The following CHSY3 variants were observed in gnomAD, a reference collection of about 807,000 sequenced individuals.
CHSY3 encodes the protein N-acetylgalactosaminyl-proteoglycan 3-beta-glucuronosyltransferase 3.
A neutral mutation model predicts 67.2 loss-of-function variants in CHSY3; 35 were observed. That is an observed-to-expected ratio of 0.52 (90% CI 0.40 to 0.69). The LOEUF (loss-of-function observed/expected upper bound fraction) is 0.69. Among genes scored for constraint, CHSY3 ranks in the 30% least tolerant of loss-of-function variants. The pLI is 0.00. For synonymous variants in CHSY3, 474 were observed against 434.7 expected, an observed-to-expected ratio of 1.09 and a Z score of -1.12; for missense variants, 1,069 against 1,138.5, an observed-to-expected ratio of 0.94 and a Z score of 0.88.
intron 2 of CHSY3, among the ~76,000 whole-genome samples, chr5:130,070,360 G>C (rs972669266): frequency 6.6e-6 from 1 of 152,078 alleles, no homozygotes; most frequent in African/African-American, 2.4e-5. Context: ...TTGATTGCTA[G>C]TGAATGCTGG....
Position 129,982,285 on chromosome 5 carries a change from A to C in CHSY3, c.1086+73925A>C, listed in dbSNP as rs73785835. On this transcript the variant is annotated intron_variant, in intron 2 of 2. Coordinates refer to ENST00000305031, the MANE Select transcript of CHSY3 (RefSeq NM_175856.5). ...CTATATTATTCCAATGTAAAAAAAAACACACACACACACAAAAAAAACAAC... is the reference window on the plus strand; with the variant it reads ...CTATATTATTCCAATGTAAAAAAAACCACACACACACACAAAAAAAACAAC... 1.0e-3 allele frequency among the ~76,000 whole-genome samples: 157 copies of C among 151,656 alleles called. 1 individual carries two copies. Among genetic ancestry groups the C allele is most frequent in the African/African-American group, 3.6e-3 (148 of 41,334 alleles).
At chr5:130,119,584 C>T (rs1767938586) in intron 2 of CHSY3, among the ~76,000 whole-genome samples, 2 of 152,048 alleles carry the variant, frequency 1.3e-5, no homozygotes, top group South Asian at 4.1e-4. Context: ...CATATTCAAC[C>T]TGAGACTCTC....
intron 1 of CHSY3, among the ~76,000 whole-genome samples, chr5:129,906,183 C>G (rs1160156364): frequency 1.3e-5 from 2 of 152,130 alleles, no homozygotes; most frequent in African/African-American, 2.4e-5. Flanking sequence ...GGACCCTTTC[C>G]TATGTGTTCC....
At chr5:129,923,761 A>G (rs757385738) in intron 2 of CHSY3, among the ~76,000 whole-genome samples, 17 of 152,188 alleles carry the variant, frequency 1.1e-4, no homozygotes, top group Non-Finnish European at 1.8e-4. Flanking sequence ...ACAGTAGTAA[A>G]ACGGGATGAG....
intron 2 of CHSY3, among the ~76,000 whole-genome samples, chr5:129,936,687 G>C (rs1761503241): frequency 6.6e-6 from 1 of 152,198 alleles, no homozygotes; most frequent in South Asian, 2.1e-4. Context: ...GTTTCTTTGA[G>C]AGACATAAGA....
Position 129,944,007 on chromosome 5 carries a change from G to T in CHSY3, c.1086+35647G>T, listed in dbSNP as rs1337093786. Among the ~76,000 whole-genome samples, 4 of 152,326 alleles carry T rather than the reference G, an allele frequency of 2.6e-5. 1 individual carries two copies. Among genetic ancestry groups the T allele is most frequent in the African/African-American group, 9.6e-5 (4 of 41,570 alleles). ...ATGCTGCTTCTCTTCTGTAATGGCAGCTCTTTTATGGTTTGTATCAAATTT... is the reference window on the plus strand; with the variant it reads ...ATGCTGCTTCTCTTCTGTAATGGCATCTCTTTTATGGTTTGTATCAAATTT... On this transcript the variant is annotated intron_variant, in intron 2 of 2. Coordinates refer to ENST00000305031, the MANE Select transcript of CHSY3 (RefSeq NM_175856.5).
Position 129,908,146 on chromosome 5 carries a change from T to C in CHSY3, c.872T>C (p.Leu291Pro). The C allele has an allele frequency of 6.2e-7, 1 of 1,614,156 alleles. No individual in the cohort carries two copies. The highest frequency in any genetic ancestry group is 8.5e-7 in the Non-Finnish European group (1 of 1,180,026). The change falls in exon 2 of 3, where the codon CTG (leucine) becomes CCG (proline). Residue 291 changes from leucine to proline, a missense_variant. Transcript: ENST00000305031. ...CCTCTCTACCTGGGACAGACTGGCCTGGGGAATATTGAAGAGCTTGGAAAG... is the reference window on the plus strand; with the variant it reads ...CCTCTCTACCTGGGACAGACTGGCCCGGGGAATATTGAAGAGCTTGGAAAG... ...SKPLYLGQTGLGNIEELGKLG... is the reference protein window; with the variant it reads ...SKPLYLGQTGPGNIEELGKLG...
At chr5:130,128,943 T>C (rs1354203279) in intron 2 of CHSY3, among the ~76,000 whole-genome samples, 3 of 152,022 alleles carry the variant, frequency 2.0e-5, no homozygotes, top group South Asian at 2.1e-4. Flanking sequence ...TTTTTTTTTT[T>C]CCTTTTTTTC....
intron 2 of CHSY3, among the ~76,000 whole-genome samples, chr5:130,143,784 GTATATA>G (rs71000950): frequency 0.011 from 832 of 73,768 alleles, 29 homozygotes; most frequent in African/African-American, 0.021. Flanking sequence ...ATATATATGT[GTATATA>G]TATATATATA....
At chr5:130,143,784 G>GTATATATATATATATATGTGTGTATATA (rs1768968190) in intron 2 of CHSY3, among the ~76,000 whole-genome samples, 1 of 73,844 alleles carries the variant, frequency 1.4e-5, no homozygotes, top group Non-Finnish European at 2.3e-5. Context: ...ATATATATGT[G>GTATATATATATATATATGTGTGTATATA]TATATATATA....
At chr5:129,916,941 T>G (rs181741870) in intron 2 of CHSY3, among the ~76,000 whole-genome samples, 1 of 152,300 alleles carries the variant, frequency 6.6e-6, no homozygotes, top group East Asian at 1.9e-4. Flanking sequence ...GGTACCTCTC[T>G]CAGAACTAGG....
At chr5:129,953,910 G>A (rs990365547) in intron 2 of CHSY3, among the ~76,000 whole-genome samples, 2 of 151,820 alleles carry the variant, frequency 1.3e-5, no homozygotes, top group African/African-American at 4.8e-5. Flanking sequence ...TTGCAAAAAT[G>A]TTCTCCCATT....
intron 2 of CHSY3, among the ~76,000 whole-genome samples, chr5:130,147,666 C>T (rs1769110536): frequency 6.6e-6 from 1 of 152,148 alleles, no homozygotes; most frequent in South Asian, 2.1e-4. Context: ...TGCTCGGCAT[C>T]TGCTCAGCTT....
At chr5:130,044,966 G>A (rs1285859152) in intron 2 of CHSY3, among the ~76,000 whole-genome samples, 1 of 152,024 alleles carries the variant, frequency 6.6e-6, no homozygotes, top group Non-Finnish European at 1.5e-5. Context: ...TACTTGGATG[G>A]CATAAGTAGT....
At chr5:129,997,552 C>T (rs1277774511) in intron 2 of CHSY3, among the ~76,000 whole-genome samples, 1 of 151,962 alleles carries the variant, frequency 6.6e-6, no homozygotes, top group African/African-American at 2.4e-5. Flanking sequence ...TACATGTGCA[C>T]AATGCGCAGG....
chr5:130,164,843 C>T (rs1456415474), intron 2 of CHSY3, among the ~76,000 whole-genome samples: 2 of 152,010 alleles, frequency 1.3e-5, no homozygotes, highest in African/African-American at 4.8e-5. Flanking sequence ...CACCTAGTAC[C>T]AGGAGACATA....
At chr5:130,108,570 T>A (rs1767486406) in intron 2 of CHSY3, among the ~76,000 whole-genome samples, 1 of 151,692 alleles carries the variant, frequency 6.6e-6, no homozygotes, top group Non-Finnish European at 1.5e-5. Flanking sequence ...TTGTAATGCT[T>A]TGTCAAAAAG....
intron 2 of CHSY3, among the ~76,000 whole-genome samples, chr5:129,932,272 G>A (rs929366399): frequency 6.6e-6 from 1 of 151,556 alleles, no homozygotes; most frequent in African/African-American, 2.4e-5. Context: ...ATTCTAGCAG[G>A]AGTTGATGTT....
intron 2 of CHSY3, among the ~76,000 whole-genome samples, chr5:130,019,917 ATTTGCATTGATTTAT>A (rs1445455758): frequency 2.6e-5 from 4 of 152,140 alleles, no homozygotes; most frequent in Non-Finnish European, 4.4e-5. Flanking sequence ...AATGTTAGGG[ATTTGCATTGATTTAT>A]TTTGCATTAT....
Sources: allele counts gnomAD v4.1 joint callset (sites outside exome capture counted in the v4.1 genomes callset), GRCh38; gene constraint gnomAD v4.1.1; transcripts MANE v1.5; gene names NCBI Gene and HGNC (gene_info 2026-07-23, HGNC 2026-07-21).